The following STXBP6 variants were observed in gnomAD, a reference collection of about 807,000 sequenced individuals.
STXBP6 encodes the protein syntaxin-binding protein 6.
STXBP6 carries 21 observed loss-of-function variants against 26.9 expected under a neutral mutation model. That is an observed-to-expected ratio of 0.78 (90% CI 0.55 to 1.12). The LOEUF (loss-of-function observed/expected upper bound fraction) is 1.12. STXBP6 is among the 50% of genes most tolerant of loss of function. The pLI, the probability that STXBP6 is intolerant of heterozygous loss-of-function variation, is 0.00. For synonymous variants in STXBP6, 97 were observed against 92.6 expected, an observed-to-expected ratio of 1.05 and a Z score of -0.27; for missense variants, 232 against 257.9, an observed-to-expected ratio of 0.90 and a Z score of 0.69.
intron 3 of STXBP6, 134 bp from the exon 4 acceptor site, chr14:24,856,235 T>C (rs894206917): frequency 2.2e-5 from 19 of 854,432 alleles, no homozygotes; most frequent in Non-Finnish European, 2.7e-5. Context: ...TTTATCCAAG[T>C]GTATGGAGAG....
At chr14:24,845,257 C>A (rs1253174492) in intron 4 of STXBP6, among the ~76,000 whole-genome samples, 1 of 152,086 alleles carries the variant, frequency 6.6e-6, no homozygotes, top group African/African-American at 2.4e-5. Flanking sequence ...CGTGATCTGC[C>A]CACCTTGGCC....
At chr14:24,908,857 A>G (rs74040711) in intron 2 of STXBP6, among the ~76,000 whole-genome samples, 2,298 of 152,328 alleles carry the variant, frequency 0.015, 47 homozygotes, top group African/African-American at 0.045. Context: ...CAGGTTCCAC[A>G]TCAGGCAAAC....
intron 1 of STXBP6, among the ~76,000 whole-genome samples, chr14:25,045,990 A>G (rs1219949252): frequency 6.6e-6 from 1 of 152,248 alleles, no homozygotes; most frequent in Non-Finnish European, 1.5e-5. Context: ...CTAGTGCAGT[A>G]TAACTAGTGT....
In STXBP6 at chr14:24,886,834, G is replaced by T. The variant is rs999491116; in HGVS notation, c.155-29677C>A. Among the ~76,000 whole-genome samples the T allele has an allele frequency of 4.6e-5, 7 of 152,174 alleles. 2 individuals are homozygous for T. Among genetic ancestry groups the T allele is most frequent in the Admixed American group, 3.9e-4 (6 of 15,278 alleles). On this transcript the variant is annotated intron_variant, in intron 2 of 5. Transcript: ENST00000323944. ...TGTAACTAATAAGTAGATAAATCCA[G>T]ATTAAAATCCAAGTTTCCCAACTCC...
intron 1 of STXBP6, among the ~76,000 whole-genome samples, chr14:25,012,344 C>T (rs2075049567): frequency 6.6e-6 from 1 of 152,162 alleles, no homozygotes; most frequent in Admixed American, 6.5e-5. Context: ...CATGCATGCA[C>T]ACAGTCAGGC....
intron 4 of STXBP6, among the ~76,000 whole-genome samples, chr14:24,847,120 AAATGAC>A (rs1398655712): frequency 6.6e-6 from 1 of 152,158 alleles, no homozygotes; most frequent in Non-Finnish European, 1.5e-5. Context: ...ACAAATTACT[AAATGAC>A]AAAGAAAAGA....
At position 25,018,749 on chromosome 14, in the gene STXBP6, A is replaced by T. The variant is rs2075206596; in HGVS notation, c.-33+31129T>A. ...TTCTATGTCACACTGTAGATGCTGAAGTCTGTTTCTAGCCTTGACCTGCCT... is the reference window on the plus strand; with the variant it reads ...TTCTATGTCACACTGTAGATGCTGATGTCTGTTTCTAGCCTTGACCTGCCT... On this transcript the variant is annotated intron_variant, in intron 1 of 5. Coordinates refer to ENST00000323944, the MANE Select transcript of STXBP6 (RefSeq NM_001394410.1). 1.3e-5 allele frequency among the ~76,000 whole-genome samples: 2 copies of T among 152,250 alleles called. 1 individual carries two copies. The highest frequency in any genetic ancestry group is 4.1e-4 in the South Asian group (2 of 4,832).
chr14:24,891,126 T>C (rs1301424921), intron 2 of STXBP6, among the ~76,000 whole-genome samples: 2 of 152,206 alleles, frequency 1.3e-5, no homozygotes, highest in Non-Finnish European at 2.9e-5. Context: ...GCTCGTAATG[T>C]CTTCTGTGCA....
At chr14:25,001,422 T>C (rs2074757943) in intron 1 of STXBP6, among the ~76,000 whole-genome samples, 1 of 152,222 alleles carries the variant, frequency 6.6e-6, no homozygotes, top group Non-Finnish European at 1.5e-5. Flanking sequence ...CCAGAGTTTA[T>C]GCTAACAAGA....
At chr14:25,002,498 T>G (rs1035062299) in intron 1 of STXBP6, among the ~76,000 whole-genome samples, 3 of 151,998 alleles carry the variant, frequency 2.0e-5, no homozygotes, top group African/African-American at 7.3e-5. Flanking sequence ...TAGCTGGGAC[T>G]ATAGGCACGT....
intron 5 of STXBP6, chr14:24,817,906 G>A (rs1055938791): frequency 2.1e-5 from 8 of 388,664 alleles, no homozygotes; most frequent in South Asian, 9.7e-5. Flanking sequence ...ACAGCGCTGT[G>A]CAAAGGGGAT....
At chr14:24,974,902 T>C (rs2140204222) in intron 1 of STXBP6, 52 bp from the exon 2 acceptor site, 1 of 1,202,676 alleles carries the variant, frequency 8.3e-7, no homozygotes, top group African/African-American at 1.5e-5. Context: ...ATTGTAAGGG[T>C]TCATACAATA....
At chr14:24,963,771 G>A (rs1247088813) in intron 2 of STXBP6, among the ~76,000 whole-genome samples, 2 of 152,040 alleles carry the variant, frequency 1.3e-5, no homozygotes, top group Admixed American at 1.3e-4. Flanking sequence ...TTCCACTGTA[G>A]GCCACAATGG....
chr14:25,002,359 C>CTTTTTTTTTTTTTTTTTT lies in STXBP6; in HGVS notation c.-32-27527_-32-27510dup, dbSNP rs747010332. Among the ~76,000 whole-genome samples, 54 of 121,364 alleles carry CTTTTTTTTTTTTTTTTTT rather than the reference C, an allele frequency of 4.4e-4. 1 individual carries two copies. In the East Asian group the frequency reaches 9.3e-3, roughly 21 times the overall value. The allele number at this position is 121,364 out of a possible 152,430, so 79.6% of individuals were successfully genotyped here. ...ATCCCATACAGTTAAATTCTTATGACTTTTTTTTTTTTTTTTTTGAGACAC... is the reference window on the plus strand; with the variant it reads ...ATCCCATACAGTTAAATTCTTATGACTTTTTTTTTTTTTTTTTTTTTTTTTTTTTTTTTTTTGAGACAC... On this transcript the variant is annotated intron_variant, in intron 1 of 5. Transcript: ENST00000323944.
At chr14:25,042,311 G>A (rs970990993) in intron 1 of STXBP6, among the ~76,000 whole-genome samples, 10 of 152,178 alleles carry the variant, frequency 6.6e-5, no homozygotes, top group Admixed American at 5.9e-4. Context: ...CCATAAGAAG[G>A]CAAGCCAGCC....
intron 2 of STXBP6, among the ~76,000 whole-genome samples, chr14:24,868,757 G>A (rs1343457154): frequency 1.3e-5 from 2 of 152,226 alleles, no homozygotes; most frequent in African/African-American, 4.8e-5. Flanking sequence ...TAGCCCAGGA[G>A]AGAGGCGCTG....
At chr14:24,963,956 T>C (rs1272639822) in intron 2 of STXBP6, among the ~76,000 whole-genome samples, 1 of 70,304 alleles carries the variant, frequency 1.4e-5, no homozygotes, top group Non-Finnish European at 2.7e-5. Flanking sequence ...TGTGTGTGAA[T>C]AACAGCAAGT....
intron 4 of STXBP6, among the ~76,000 whole-genome samples, chr14:24,848,191 C>A (rs2069028765): frequency 6.6e-6 from 1 of 152,144 alleles, no homozygotes. Context: ...TGGCATTTTT[C>A]AAAAATCCCA....
chr14:24,836,100 A>C (rs1443154338), intron 4 of STXBP6, among the ~76,000 whole-genome samples: 1 of 152,216 alleles, frequency 6.6e-6, no homozygotes, highest in East Asian at 1.9e-4. Flanking sequence ...AATGAGCAAT[A>C]GCCTTCAGGG....
Sources: allele counts gnomAD v4.1 joint callset (sites outside exome capture counted in the v4.1 genomes callset), GRCh38; gene constraint gnomAD v4.1.1; transcripts MANE v1.5; gene names NCBI Gene and HGNC (gene_info 2026-07-23, HGNC 2026-07-21).